RCBTB1: variants seen among roughly 807,000 people sequenced by gnomAD.
RCBTB1 encodes RCC1 and BTB domain containing protein 1.
Under a neutral mutation model 62.4 loss-of-function variants are expected in RCBTB1, and 46 were observed. That is an observed-to-expected ratio of 0.74 (90% CI 0.58 to 0.94). The LOEUF is 0.94. RCBTB1 is among the 40% of genes least tolerant of loss of function. RCBTB1 has a pLI of 0.00. For missense variants in RCBTB1, 565 were observed against 654.9 expected (o/e 0.86, Z 1.50); for synonymous variants, 222 against 245.8 (o/e 0.90, Z 0.91).
At chr13:49,547,076 T>C in intron 9 of RCBTB1, 3 of 1,271,512 alleles carry the variant, frequency 2.4e-6, no homozygotes, top group Non-Finnish European at 2.0e-6. Flanking sequence ...TCTGAAGATG[T>C]GTACAGAAGT....
At chr13:49,542,170 C>T (rs929411509) in intron 10 of RCBTB1, among the ~76,000 whole-genome samples, 22 of 150,248 alleles carry the variant, frequency 1.5e-4, no homozygotes, top group Admixed American at 9.3e-4. Flanking sequence ...GCCGAGATTG[C>T]GCTTCTGCAC....
chr13:49,559,421 C>T (rs1417758547), intron 5 of RCBTB1, among the ~76,000 whole-genome samples: 2 of 152,078 alleles, frequency 1.3e-5, no homozygotes, highest in Admixed American at 6.5e-5. Context: ...CTTTTGGAGG[C>T]CAAGGCGGGC....
At chr13:49,537,085 C>CT (rs1415260339) in intron 12 of RCBTB1, among the ~76,000 whole-genome samples, 2 of 152,130 alleles carry the variant, frequency 1.3e-5, no homozygotes, top group Non-Finnish European at 2.9e-5. Context: ...CAAAGCTAAA[C>CT]TAGTTGAATG....
At chr13:49,577,765 GAACA>G (rs1382910031) in intron 2 of RCBTB1, among the ~76,000 whole-genome samples, 6 of 152,156 alleles carry the variant, frequency 3.9e-5, no homozygotes, top group Non-Finnish European at 8.8e-5. Context: ...CTGAATGTTG[GAACA>G]ATCATTTTAA....
chr13:49,546,766 A>C (rs1045572718), intron 9 of RCBTB1: 14 of 165,632 alleles, frequency 8.5e-5, no homozygotes, highest in African/African-American at 3.4e-4. Context: ...TGGGAGGTGG[A>C]GCTCAGGCGG....
chr13:49,573,787 C>CTTTT (rs563725059), intron 2 of RCBTB1, among the ~76,000 whole-genome samples: 1 of 125,672 alleles, frequency 8.0e-6, no homozygotes, highest in Non-Finnish European at 1.7e-5. Flanking sequence ...AAATTTCTCT[C>CTTTT]TTTTTTTTTT....
At chr13:49,542,438 C>T (rs541594814) in intron 10 of RCBTB1, among the ~76,000 whole-genome samples, 1 of 152,060 alleles carries the variant, frequency 6.6e-6, no homozygotes, top group African/African-American at 2.4e-5. Context: ...ATTTGATGGT[C>T]CCCAAGATTT....
At chr13:49,553,697 T>C (rs762753877) in intron 6 of RCBTB1, among the ~76,000 whole-genome samples, 2 of 152,108 alleles carry the variant, frequency 1.3e-5, no homozygotes, top group Admixed American at 6.5e-5. Flanking sequence ...GACTGGGGCT[T>C]TTCAGGGTAA....
At chr13:49,572,328 G>GAA (rs757780948) in intron 2 of RCBTB1, among the ~76,000 whole-genome samples, 13 of 101,066 alleles carry the variant, frequency 1.3e-4, no homozygotes, top group Admixed American at 2.1e-4. Flanking sequence ...CTCTGTCTCA[G>GAA]AAAAAAAAAA....
chr13:49,565,506 C>A (rs1213853078), intron 4 of RCBTB1, among the ~76,000 whole-genome samples: 12 of 150,742 alleles, frequency 8.0e-5, no homozygotes, highest in Non-Finnish European at 1.3e-4. Flanking sequence ...CCCCTCTGCC[C>A]GGCTGCCCAG....
chr13:49,572,807 GTAA>G (rs1184422275), intron 2 of RCBTB1, among the ~76,000 whole-genome samples: 1 of 152,098 alleles, frequency 6.6e-6, no homozygotes, highest in Non-Finnish European at 1.5e-5. Flanking sequence ...CAAAATAATA[GTAA>G]TAATAATAAT....
At chr13:49,544,690 G>C (rs1166331385) in intron 10 of RCBTB1, 47 bp downstream of exon 10, 1 of 1,529,290 alleles carries the variant, frequency 6.5e-7, no homozygotes, top group South Asian at 1.2e-5. Context: ...GAATAACAAA[G>C]AAAGAAAAGT....
At chr13:49,538,933 T>TG (rs1960134077) in intron 12 of RCBTB1, among the ~76,000 whole-genome samples, 1 of 151,102 alleles carries the variant, frequency 6.6e-6, no homozygotes, top group Non-Finnish European at 1.5e-5. Context: ...TTGCCCAGGC[T>TG]GGAGTGCAGT....
chr13:49,551,513 G>A (rs369494601), intron 7 of RCBTB1, 45 bp from the exon 8 acceptor site: 5 of 1,608,350 alleles, frequency 3.1e-6, no homozygotes, highest in Admixed American at 1.7e-5. Context: ...AAAACAGGAA[G>A]GGCAGGGAGA....
intron 4 of RCBTB1, among the ~76,000 whole-genome samples, chr13:49,561,072 C>T (rs1413945002): frequency 1.3e-5 from 2 of 152,178 alleles, no homozygotes; most frequent in South Asian, 2.1e-4. Flanking sequence ...GAAGTATCAT[C>T]GTTTCAGGCA....
chr13:49,570,878 C>T (rs937624698), intron 2 of RCBTB1, among the ~76,000 whole-genome samples: 7 of 152,174 alleles, frequency 4.6e-5, no homozygotes, highest in Non-Finnish European at 7.3e-5. Flanking sequence ...GGTGAAATGA[C>T]GCCAAGGTCA....
rs1257740848 is a variant in RCBTB1 at position 49,580,597 on chromosome 13, A to G, written c.-121-13T>C. On this transcript the variant is annotated splice_polypyrimidine_tract_variant and intron_variant, in intron 1 of 12. Coordinates refer to ENST00000378302, the MANE Select transcript of RCBTB1 (RefSeq NM_018191.4). ...AGCAAGATCCTGTCTGAAAAAGAAA[A>G]AAGAAATGGATAAAACATAATACTT... The G allele has an allele frequency of 6.6e-6, 1 of 152,216 alleles. No homozygotes were observed. Among genetic ancestry groups the G allele is most frequent in the Non-Finnish European group, 1.5e-5 (1 of 68,052 alleles). 9.4% of individuals were successfully genotyped at this position (152,216 alleles called of 1,614,324 possible).
intron 8 of RCBTB1, 181 bp from the exon 9 acceptor site, chr13:49,549,829 T>C: frequency 1.0e-6 from 1 of 985,338 alleles, no homozygotes; most frequent in South Asian, 4.7e-5. Context: ...ACTGTTCTCC[T>C]TTCCCAAATG....
chr13:49,559,048 G>C (rs986090088), intron 5 of RCBTB1, among the ~76,000 whole-genome samples: 8 of 152,216 alleles, frequency 5.3e-5, no homozygotes, highest in African/African-American at 1.9e-4. Flanking sequence ...TTTGTGACCA[G>C]AAATATACCA....
Sources: gnomAD v4.1 joint callset for allele counts (sites outside exome capture counted in the v4.1 genomes callset) on GRCh38, gnomAD v4.1.1 for gene constraint, MANE v1.5 for transcripts, NCBI Gene and HGNC (gene_info 2026-07-23, HGNC 2026-07-21) for gene names.